Variants in DDX19A observed in about 807,000 individuals in gnomAD.
The protein encoded by DDX19A is DEAD-box helicase 19A, also known as ATP-dependent RNA helicase DDX19A.
Under a neutral mutation model 60.6 loss-of-function variants are expected in DDX19A, and 12 were observed. The observed-to-expected ratio is 0.20, with a 90% CI of 0.13 to 0.32. The LOEUF is 0.32. Among genes scored for constraint, DDX19A ranks in the 10% least tolerant of loss-of-function variants. DDX19A has a pLI of 1.00. For synonymous variants in DDX19A, 206 were observed against 218.2 expected, an observed-to-expected ratio of 0.94 and a Z score of 0.49; for missense variants, 337 against 600.6, an observed-to-expected ratio of 0.56 and a Z score of 4.59.
At chr16:70,368,724 TTTTTG>T (rs1206931997) in intron 9 of DDX19A, among the ~76,000 whole-genome samples, 1 of 152,130 alleles carries the variant, frequency 6.6e-6, no homozygotes, top group Non-Finnish European at 1.5e-5. Context: ...TCTTTATTGC[TTTTTG>T]TTTTGTTAAA....
intron 1 of DDX19A, among the ~76,000 whole-genome samples, chr16:70,349,971 G>A (rs911625441): frequency 2.6e-5 from 4 of 152,154 alleles, no homozygotes; most frequent in East Asian, 1.9e-4. Flanking sequence ...TTATCATGTG[G>A]TTCTGCTCTC....
chr16:70,371,830 G>C (rs2047273363), intron 11 of DDX19A, 95 bp from the exon 12 acceptor site: 14 of 1,589,548 alleles, frequency 8.8e-6, no homozygotes, highest in Non-Finnish European at 1.1e-5. Context: ...CCCTGCTTAG[G>C]CACCCGGAGC....
chr16:70,367,443 C>G (rs1159916323), intron 9 of DDX19A, among the ~76,000 whole-genome samples: 4 of 151,440 alleles, frequency 2.6e-5, no homozygotes, highest in African/African-American at 9.7e-5. Flanking sequence ...AAAAAAAGTT[C>G]AACAAGATAG....
rs1491407218 is a variant in DDX19A at position 70,372,752 on chromosome 16, C to CA, written c.*767dup. The CA allele has an allele frequency of 6.6e-6, 1 of 152,344 alleles. No homozygotes were observed. The allele number at this position is 152,344 out of a possible 1,614,324, so 9.4% of individuals were successfully genotyped here. A position where few individuals can be genotyped will look rare whatever the true frequency, so the allele number is the denominator to read the frequency against. ...TCCCTCTGCCTAGGCCCCTGGTACT[C>CA]AGTCACGGCAGCCAGGAGACCCCAG... On this transcript the variant is annotated 3_prime_UTR_variant, in exon 12 of 12. Transcript: ENST00000302243.
Position 70,372,981 on chromosome 16 carries a change from C to A in DDX19A, c.*995C>A, listed in dbSNP as rs986506983. 6.6e-6 allele frequency: 1 copy of A among 152,184 alleles called. No individual in the cohort carries two copies. Among genetic ancestry groups the A allele is most frequent in the Non-Finnish European group, 1.5e-5 (1 of 68,060 alleles). 9.4% of individuals were successfully genotyped at this position (152,184 alleles called of 1,614,324 possible). A position where few individuals can be genotyped will look rare whatever the true frequency, so the allele number is the denominator to read the frequency against. On this transcript the variant is annotated 3_prime_UTR_variant, in exon 12 of 12. Coordinates refer to ENST00000302243, the MANE Select transcript of DDX19A (RefSeq NM_018332.5). ...GGCGTGGTGGCTCATGCCTATAATCCCAGCACGTTGGGAGGCTGAGGCGGG... is the reference window on the plus strand; with the variant it reads ...GGCGTGGTGGCTCATGCCTATAATCACAGCACGTTGGGAGGCTGAGGCGGG...
rs139025377 is a variant in DDX19A, at chr16:70,365,084, A to G, written c.557A>G (p.Lys186Arg). The G allele has an allele frequency of 1.9e-3, 3,029 of 1,614,134 alleles. 5 individuals carry two copies. The highest frequency in any genetic ancestry group is 2.4e-3 in the Non-Finnish European group (2,793 of 1,179,996). Residue 186 changes from lysine (K) to arginine (R), a missense_variant, in exon 7 of 12, where the codon AAA (lysine) becomes AGA (arginine). Physicochemically the swap from Lys to Arg is conservative, Grantham distance 26. Around this residue, in one of 6 missense-constraint regions of DDX19A, gnomAD observed 62 missense variants for 75.7 expected, o/e 0.82. Coordinates refer to ENST00000302243, the MANE Select transcript of DDX19A (RefSeq NM_018332.5). ...QTGKVIEQMG[K>R]FYPELKLAYA... The stretch of plus-strand genomic sequence containing the variant: ...GGAAAAGTGATTGAGCAGATGGGCA[A>G]ATTTTACCCAGAACTGAAGCTTGCC...
At chr16:70,354,770 C>G (rs1597525403) in intron 2 of DDX19A, among the ~76,000 whole-genome samples, 1 of 152,182 alleles carries the variant, frequency 6.6e-6, no homozygotes, top group Non-Finnish European at 1.5e-5. Flanking sequence ...TGGCAAGACT[C>G]CATCTCTACG....
chr16:70,366,256 T>C lies in DDX19A; in HGVS notation c.776T>C (p.Ile259Thr). Residue 259 changes from isoleucine to threonine, a missense_variant, in exon 8 of 12, where the codon ATC becomes ACC. By Grantham distance (89) the Ile-to-Thr change is moderately conservative. This residue lies in a region of DDX19A where 117 missense variants were observed against 274.3 expected (regional missense o/e 0.43). Coordinates refer to ENST00000302243, the MANE Select transcript of DDX19A (RefSeq NM_018332.5). ...GGCCACCAAGATCAGAGCATCCGCATCCAGAGGTAGGGATCTCGAGGGTGG... is the reference window on the plus strand; with the variant it reads ...GGCCACCAAGATCAGAGCATCCGCACCCAGAGGTAGGGATCTCGAGGGTGG... Reference protein sequence around the residue: ...TQGHQDQSIRIQRMLPRNCQM... With the variant: ...TQGHQDQSIRTQRMLPRNCQM... 6.2e-7 allele frequency: 1 copy of C among 1,614,012 alleles called. No homozygotes were observed. Among genetic ancestry groups the C allele is most frequent in the Non-Finnish European group, 8.5e-7 (1 of 1,179,920 alleles).
rs1597530462 is a variant in DDX19A, at chr16:70,358,683, A to C, written c.293+2436A>C. ...AAATGATGAAACCCCATCTCTACTA[A>C]AAATACAAAAAAATTAGCCGGCTGT... On this transcript the variant is annotated intron_variant, in intron 4 of 11. Transcript: ENST00000302243. Among the ~76,000 whole-genome samples the C allele has an allele frequency of 2.0e-5, 3 of 152,136 alleles. No homozygotes were observed. The South Asian group carries it at 6.2e-4, about 32-fold the overall frequency.
At chr16:70,352,583 C>T (rs1288824965) in intron 2 of DDX19A, among the ~76,000 whole-genome samples, 3 of 148,850 alleles carry the variant, frequency 2.0e-5, no homozygotes, top group Non-Finnish European at 4.5e-5. Flanking sequence ...GTGCCTGGCC[C>T]TTCCTTGTGT....
chr16:70,357,325 T>C (rs1964231106), intron 4 of DDX19A, among the ~76,000 whole-genome samples: 1 of 147,310 alleles, frequency 6.8e-6, no homozygotes, highest in Admixed American at 6.8e-5. Context: ...TCTTACAGTT[T>C]ATCTGCTTTT....
chr16:70,349,300 T>C (rs1963942578), intron 1 of DDX19A, among the ~76,000 whole-genome samples: 1 of 152,182 alleles, frequency 6.6e-6, no homozygotes. Flanking sequence ...AGACTCTACT[T>C]GAGGCTTTTA....
intron 2 of DDX19A, among the ~76,000 whole-genome samples, chr16:70,353,690 C>T (rs71384764): frequency 0.092 from 13,867 of 151,410 alleles, 823 homozygotes; most frequent in South Asian, 0.17. Context: ...CACCTGAGGT[C>T]GGGAGTTTGA....
intron 1 of DDX19A, among the ~76,000 whole-genome samples, chr16:70,350,107 A>G (rs527358723): frequency 6.6e-6 from 1 of 152,044 alleles, no homozygotes; most frequent in Admixed American, 6.6e-5. Flanking sequence ...TTTGAGTTCA[A>G]GTAGGCATGG....
At chr16:70,364,816 C>T in intron 6 of DDX19A, 171 bp downstream of exon 6, 2 of 674,322 alleles carry the variant, frequency 3.0e-6, no homozygotes, top group Non-Finnish European at 5.1e-6. Flanking sequence ...AAAGCAGCAG[C>T]CTTAGACCAT....
intron 2 of DDX19A, among the ~76,000 whole-genome samples, chr16:70,354,542 G>A (rs1964125368): frequency 6.6e-6 from 1 of 152,182 alleles, no homozygotes; most frequent in Non-Finnish European, 1.5e-5. Flanking sequence ...CAATCTGATA[G>A]GTAAAAAATG....
chr16:70,356,766 C>A, intron 4 of DDX19A: 2 of 663,626 alleles, frequency 3.0e-6, no homozygotes, highest in Non-Finnish European at 4.3e-6. Context: ...CCTTGGCTAT[C>A]CTGTTCTCTT....
chr16:70,371,079 G>A (rs1419041830), intron 10 of DDX19A: 1 of 551,948 alleles, frequency 1.8e-6, no homozygotes, highest in Non-Finnish European at 3.2e-6. Context: ...ACAGGCATCT[G>A]ACTGGTAGAG....
At chr16:70,353,790 A>C (rs1567650126) in intron 2 of DDX19A, among the ~76,000 whole-genome samples, 1 of 151,354 alleles carries the variant, frequency 6.6e-6, no homozygotes, top group Non-Finnish European at 1.5e-5. Flanking sequence ...AGTCCCAGCT[A>C]CTCGGGAGGC....
Sources: allele counts gnomAD v4.1 joint callset (sites outside exome capture counted in the v4.1 genomes callset), GRCh38; gene constraint gnomAD v4.1.1; regional missense constraint gnomAD v4.1.1; transcripts MANE v1.5; gene names NCBI Gene and HGNC (gene_info 2026-07-23, HGNC 2026-07-21).